Variants in CNGA4 observed in about 807,000 individuals in gnomAD.
CNGA4 encodes the protein cyclic nucleotide gated channel subunit alpha 4.
A neutral mutation model predicts 45.6 loss-of-function variants in CNGA4; 32 were observed. The observed-to-expected ratio is 0.70, with a 90% confidence interval of 0.53 to 0.94. The LOEUF (loss-of-function observed/expected upper bound fraction) is 0.94. CNGA4 is among the 40% of genes least tolerant of loss of function. The pLI is 0.00. For missense variants in CNGA4, 726 were observed against 755.1 expected (o/e 0.96, Z 0.45); for synonymous variants, 293 against 304.6 (o/e 0.96, Z 0.40).
upstream of CNGA4, among the ~76,000 whole-genome samples, chr11:6,235,078 T>G (rs1590645527): frequency 2.0e-5 from 3 of 150,710 alleles, no homozygotes; most frequent in Non-Finnish European, 3.0e-5. Flanking sequence ...GAGAAAGGGG[T>G]GGGGCCATGG....
chr11:6,235,566 AGCCGAGTCTTG>A (rs1434750542), upstream of CNGA4: 11 of 983,140 alleles, frequency 1.1e-5, no homozygotes, highest in Admixed American at 3.7e-4. Flanking sequence ...ACGGTGTCTA[AGCCGAGTCTTG>A]GGAAACAAGC....
At chr11:6,243,001 G>A (rs1235596049) in intron 5 of CNGA4, among the ~76,000 whole-genome samples, 1 of 152,128 alleles carries the variant, frequency 6.6e-6, no homozygotes, top group East Asian at 1.9e-4. Flanking sequence ...GACCCAGTGT[G>A]ACCTAGATCT....
Position 6,241,772 on chromosome 11 carries a change from A to C in CNGA4, c.1259A>C (p.Asn420Thr). The C allele has an allele frequency of 6.2e-7, 1 of 1,613,986 alleles. No individual in the cohort carries two copies. The highest frequency in any genetic ancestry group is 8.5e-7 in the Non-Finnish European group (1 of 1,179,842). ...GLYFGEISII[N>T]IKGNMSGNRR... ...TACTTTGGGGAGATCAGCATCATCA[A>C]CATCAAAGGTGGGTATCCCAGTATT... The change falls in exon 5 of 6, where the codon AAC becomes ACC. Residue 420 changes from asparagine to threonine, a missense_variant. By Grantham distance (65) the Asn-to-Thr change is moderately conservative (BLOSUM62 0). Transcript: ENST00000379936.
At position 6,244,412 on chromosome 11, in the gene CNGA4, C is replaced by T; in HGVS notation, c.*3C>T. 1.3e-6 allele frequency: 2 copies of T among 1,599,054 alleles called. No homozygotes were observed. The highest frequency in any genetic ancestry group is 1.7e-6 in the Non-Finnish European group (2 of 1,172,070). ...AGGGACCCCCAGGTCCAGAGTGACC[C>T]CATCCCCATCCCCAGGATTCCCACC... On this transcript the variant is annotated 3_prime_UTR_variant, in exon 6 of 6. Coordinates refer to ENST00000379936, the MANE Select transcript of CNGA4 (RefSeq NM_001037329.4). The surrounding 1 kb of genome is among the most constrained non-coding windows in gnomAD (Gnocchi z 4.5).
In CNGA4 at chr11:6,240,748, G is replaced by A; in HGVS notation, c.917+37G>A. Reference sequence around the variant, plus strand: ...GGGTTCCAGACCAGGACAGGGACCAGTGTAGGTGATGGAACCTGAGGGAGG... The same window carrying A: ...GGGTTCCAGACCAGGACAGGGACCAATGTAGGTGATGGAACCTGAGGGAGG... On this transcript the variant is annotated intron_variant, in intron 4 of 5. Transcript: ENST00000379936. The surrounding 1 kb of genome is among the most constrained non-coding windows in gnomAD (Gnocchi z 4.9). 1 of 1,587,134 alleles carries A rather than the reference G, an allele frequency of 6.3e-7. No individual in the cohort carries two copies. The highest frequency in any genetic ancestry group is 1.1e-5 in the South Asian group (1 of 87,394).
Position 6,239,184 on chromosome 11 carries a change from C to T in CNGA4, c.-23C>T. 3 of 1,612,866 alleles carry T rather than the reference C, an allele frequency of 1.9e-6. No individual in the cohort carries two copies. Among genetic ancestry groups the T allele is most frequent in the Non-Finnish European group, 2.5e-6 (3 of 1,180,018 alleles). On this transcript the variant is annotated 5_prime_UTR_variant, in exon 1 of 6. Transcript: ENST00000379936. ...GCAGAGAGGGTGTGGACATCTCACA[C>T]CCCAGCACCAGACCACAGAACCATG...
intron 5 of CNGA4, among the ~76,000 whole-genome samples, chr11:6,243,374 G>C (rs964735224): frequency 6.6e-6 from 1 of 152,148 alleles, no homozygotes; most frequent in Admixed American, 6.5e-5. Context: ...GGGGGAGCAG[G>C]CATGTCACAC....
At chr11:6,239,967 C>A in intron 3 of CNGA4, 99 bp from the exon 4 acceptor site, 2 of 1,473,452 alleles carry the variant, frequency 1.4e-6, no homozygotes, top group South Asian at 1.3e-5. Flanking sequence ...TGGCTCCACT[C>A]TGTCCTTCAG....
upstream of CNGA4, among the ~76,000 whole-genome samples, chr11:6,236,338 A>ATTTTTC (rs1847837832): frequency 6.6e-6 from 1 of 152,238 alleles, no homozygotes; most frequent in Non-Finnish European, 1.5e-5. Flanking sequence ...TTTTGGGATG[A>ATTTTTC]TAGCTATAAA....
intron 4 of CNGA4, among the ~76,000 whole-genome samples, chr11:6,241,085 A>G (rs1244853099): frequency 6.6e-6 from 1 of 152,188 alleles, no homozygotes; most frequent in East Asian, 1.9e-4. Flanking sequence ...GGTGATTCAT[A>G]CTGTGGACTG....
Position 6,240,042 on chromosome 11 carries a change from T to C in CNGA4, c.272-24T>C. On this transcript the variant is annotated intron_variant, in intron 3 of 5. Coordinates refer to ENST00000379936, the MANE Select transcript of CNGA4 (RefSeq NM_001037329.4). This position sits in a 1 kb window ranked among gnomAD's most constrained non-coding sequence, Gnocchi z 4.9. ...CCAAGCTTGACTACAGCAGGTCCGC[T>C]TCCTACCGGCTCCCTCTCCCCAGGA... 1.9e-6 allele frequency: 3 copies of C among 1,584,376 alleles called. No individual in the cohort carries two copies. Among genetic ancestry groups the C allele is most frequent in the Non-Finnish European group, 2.6e-6 (3 of 1,164,780 alleles).
chr11:6,239,155 A>G lies in CNGA4; in HGVS notation c.-52A>G. The G allele has an allele frequency of 6.2e-7, 1 of 1,612,106 alleles. No individual in the cohort carries two copies. Among genetic ancestry groups the G allele is most frequent in the Non-Finnish European group, 8.5e-7 (1 of 1,179,890 alleles). The stretch of plus-strand genomic sequence containing the variant: ...TAGTGCCCAACTCCAGAAGTCCCCT[A>G]CAGGCAGAGAGGGTGTGGACATCTC... On this transcript the variant is annotated 5_prime_UTR_variant, in exon 1 of 6. Coordinates refer to ENST00000379936, the MANE Select transcript of CNGA4 (RefSeq NM_001037329.4).
At chr11:6,236,190 A>C (rs745322469), upstream of CNGA4, among the ~76,000 whole-genome samples, 2 of 152,248 alleles carry the variant, frequency 1.3e-5, no homozygotes, top group Non-Finnish European at 1.5e-5. Flanking sequence ...AATGGACAGC[A>C]TGTGGGAGGT....
chr11:6,241,938 C>G (rs1038388627), intron 5 of CNGA4, 158 bp downstream of exon 5: 1 of 646,576 alleles, frequency 1.5e-6, no homozygotes, highest in African/African-American at 1.8e-5. Context: ...AGAAAAACAA[C>G]ACATAGAGGA....
chr11:6,235,659 G>T, upstream of CNGA4: 2 of 640,610 alleles, frequency 3.1e-6, no homozygotes, highest in South Asian at 6.9e-5. Flanking sequence ...GTACTTTACC[G>T]GCTGGGCGCG....
At chr11:6,236,849 GGAATT>G (rs1233850194), upstream of CNGA4, among the ~76,000 whole-genome samples, 3 of 152,170 alleles carry the variant, frequency 2.0e-5, no homozygotes, top group African/African-American at 7.2e-5. Flanking sequence ...ACAAATTCTG[GGAATT>G]TGGACGAGAT....
chr11:6,242,035 C>T, intron 5 of CNGA4: 1 of 534,870 alleles, frequency 1.9e-6, no homozygotes, highest in East Asian at 2.9e-5. Flanking sequence ...TGGATATTCA[C>T]CTGAAGCACC....
rs772497306 is a variant in CNGA4 at position 6,241,642 on chromosome 11, C to T, written c.1129C>T (p.Arg377Cys). The T allele has an allele frequency of 1.2e-5, 20 of 1,614,016 alleles. No homozygotes were observed. Among genetic ancestry groups the T allele is most frequent in the East Asian group, 4.5e-5 (2 of 44,890 alleles). Residue 377 changes from arginine (R) to cysteine (C), a missense_variant, in exon 5 of 6, where the codon CGC becomes TGC. Coordinates refer to ENST00000379936, the MANE Select transcript of CNGA4 (RefSeq NM_001037329.4). Reference protein sequence around the residue: ...QTYSPGEYVCRKGDIGQEMYI... With the variant: ...QTYSPGEYVCCKGDIGQEMYI... ...CTACTCACCAGGTGAATATGTATGCCGCAAAGGAGACATTGGCCAAGAGAT... is the reference window on the plus strand; with the variant it reads ...CTACTCACCAGGTGAATATGTATGCTGCAAAGGAGACATTGGCCAAGAGAT...
chr11:6,238,298 A>G (rs1489968701), upstream of CNGA4, among the ~76,000 whole-genome samples: 2 of 152,134 alleles, frequency 1.3e-5, no homozygotes, highest in Non-Finnish European at 2.9e-5. Flanking sequence ...TTCATCTCCA[A>G]TTCCTAGTAT....
Sources: gnomAD v4.1 joint callset for allele counts (sites outside exome capture counted in the v4.1 genomes callset) on GRCh38, gnomAD v4.1.1 for gene constraint, Gnocchi (gnomAD v3.1) non-coding constraint, MANE v1.5 for transcripts, NCBI Gene and HGNC (gene_info 2026-07-23, HGNC 2026-07-21) for gene names.